The following MMP16 variants were observed in gnomAD, a reference collection of about 807,000 sequenced individuals.
The protein encoded by MMP16 is matrix metalloproteinase-16.
MMP16 carries 12 observed loss-of-function variants against 67.8 expected under a neutral mutation model. The observed-to-expected ratio is 0.18, with a 90% CI of 0.11 to 0.29. MMP16 has a LOEUF of 0.29. Ranked by LOEUF, MMP16 falls within the 10% of genes least tolerant of loss-of-function variation. The pLI is 1.00. For synonymous variants in MMP16, 249 were observed against 255.9 expected (o/e 0.97, Z 0.26); for missense variants, 475 against 765.7 (o/e 0.62, Z 4.48).
chr8:88,211,493 A>G (rs1250557446), intron 1 of MMP16, among the ~76,000 whole-genome samples: 1 of 152,170 alleles, frequency 6.6e-6, no homozygotes, highest in Non-Finnish European at 1.5e-5. Context: ...AGGGGTTTGT[A>G]TGAGTATACA....
intron 1 of MMP16, among the ~76,000 whole-genome samples, chr8:88,288,256 G>A (rs1029071331): frequency 1.3e-5 from 2 of 152,188 alleles, no homozygotes; most frequent in Non-Finnish European, 2.9e-5. Flanking sequence ...TGTACAATGA[G>A]CACATCTCTG....
At chr8:88,225,320 C>T (rs16880036) in intron 1 of MMP16, among the ~76,000 whole-genome samples, 5,744 of 152,010 alleles carry the variant, frequency 0.038, 291 homozygotes, top group African/African-American at 0.12. Context: ...TGCATACAGA[C>T]TGTGTTTGTC....
chr8:88,055,634 T>C (rs1808322463), intron 8 of MMP16, among the ~76,000 whole-genome samples: 1 of 152,354 alleles, frequency 6.6e-6, no homozygotes, highest in East Asian at 1.9e-4. Context: ...TAAAAGTAAT[T>C]AGCCCAGTGA....
chr8:88,088,258 TATAG>T (rs1392357172), intron 6 of MMP16, among the ~76,000 whole-genome samples: 7 of 150,680 alleles, frequency 4.6e-5, no homozygotes, highest in South Asian at 4.2e-4. Flanking sequence ...GATATCTATA[TATAG>T]AGAGACAGAG....
At chr8:88,216,270 T>A (rs1405854048) in intron 1 of MMP16, among the ~76,000 whole-genome samples, 1 of 152,154 alleles carries the variant, frequency 6.6e-6, no homozygotes, top group East Asian at 1.9e-4. Context: ...TTTAAAAAAA[T>A]TAAAATAGTC....
intron 5 of MMP16, 30 bp from the exon 6 acceptor site, chr8:88,116,748 T>C: frequency 6.3e-7 from 1 of 1,593,614 alleles, no homozygotes; most frequent in Non-Finnish European, 8.6e-7. Flanking sequence ...AGTGCTTGGC[T>C]CACTTAAAAC....
At chr8:88,092,839 T>C (rs930768218) in intron 6 of MMP16, among the ~76,000 whole-genome samples, 5 of 151,824 alleles carry the variant, frequency 3.3e-5, no homozygotes, top group Admixed American at 2.6e-4. Context: ...TATGTGTAAG[T>C]ATACCATCAT....
At chr8:88,291,146 T>G (rs1255470671) in intron 1 of MMP16, among the ~76,000 whole-genome samples, 1 of 151,962 alleles carries the variant, frequency 6.6e-6, no homozygotes, top group Admixed American at 6.6e-5. Context: ...CCAGATATGA[T>G]GGTGGATGCT....
intron 3 of MMP16, among the ~76,000 whole-genome samples, chr8:88,181,526 C>A (rs1371131781): frequency 6.6e-6 from 1 of 151,180 alleles, no homozygotes; most frequent in Non-Finnish European, 1.5e-5. Flanking sequence ...ATTCAAAGAT[C>A]TCAATAAATA....
chr8:88,151,813 C>A (rs1808413258), intron 4 of MMP16, among the ~76,000 whole-genome samples: 1 of 141,130 alleles, frequency 7.1e-6, no homozygotes, highest in Admixed American at 7.2e-5. Context: ...ACTAGAAAAG[C>A]AAGAGCAAAC....
chr8:88,202,453 C>T (rs1003368221), intron 1 of MMP16, among the ~76,000 whole-genome samples: 2 of 152,160 alleles, frequency 1.3e-5, no homozygotes, highest in African/African-American at 2.4e-5. Flanking sequence ...ACCCCTCAAA[C>T]GGTAATGGCT....
chr8:88,199,241 A>T (rs932237417), intron 1 of MMP16, among the ~76,000 whole-genome samples: 1 of 152,074 alleles, frequency 6.6e-6, no homozygotes, highest in African/African-American at 2.4e-5. Context: ...GAACTATAAA[A>T]TATGTAAATG....
intron 6 of MMP16, among the ~76,000 whole-genome samples, chr8:88,090,881 A>C (rs1808922369): frequency 1.3e-5 from 2 of 151,822 alleles, no homozygotes; most frequent in African/African-American, 4.8e-5. Context: ...TATCCTCATG[A>C]ATATAAGCAT....
intron 1 of MMP16, among the ~76,000 whole-genome samples, chr8:88,326,489 T>A (rs894681250): frequency 6.6e-6 from 1 of 151,956 alleles, no homozygotes; most frequent in African/African-American, 2.4e-5. Flanking sequence ...TAAAAAGAGA[T>A]GGATTTCATG....
chr8:88,223,403 T>C (rs1045520871), intron 1 of MMP16, among the ~76,000 whole-genome samples: 1 of 152,090 alleles, frequency 6.6e-6, no homozygotes, highest in African/African-American at 2.4e-5. Context: ...CGTATGTTTA[T>C]TGTGTCACTA....
intron 4 of MMP16, among the ~76,000 whole-genome samples, chr8:88,163,708 A>AATAGG (rs1448935575): frequency 6.6e-6 from 1 of 152,090 alleles, no homozygotes; most frequent in South Asian, 2.1e-4. Flanking sequence ...ATAGACAAGG[A>AATAGG]AATAATGTCC....
At chr8:88,325,963 A>G (rs958414033) in intron 1 of MMP16, among the ~76,000 whole-genome samples, 1 of 152,252 alleles carries the variant, frequency 6.6e-6, no homozygotes, top group African/African-American at 2.4e-5. Flanking sequence ...AGCATGTTCA[A>G]ATACTGTGCA....
At chr8:88,155,013 C>G (rs1808484829) in intron 4 of MMP16, among the ~76,000 whole-genome samples, 1 of 151,920 alleles carries the variant, frequency 6.6e-6, no homozygotes, top group Non-Finnish European at 1.5e-5. Context: ...AGGTTTCTAT[C>G]AAATATCTGA....
At chr8:88,186,749 G>T in intron 2 of MMP16, 151 bp from the exon 3 acceptor site, 1 of 1,065,106 alleles carries the variant, frequency 9.4e-7, no homozygotes, top group Non-Finnish European at 1.3e-6. Flanking sequence ...GGAACACTGT[G>T]AATTTTCTTG....
Sources: allele counts gnomAD v4.1 joint callset (sites outside exome capture counted in the v4.1 genomes callset), GRCh38; gene constraint gnomAD v4.1.1; transcripts MANE v1.5; gene names NCBI Gene and HGNC (gene_info 2026-07-23, HGNC 2026-07-21).